Variants in CERKL observed in about 807,000 individuals in gnomAD.
CERKL encodes the protein CERK like autophagy regulator.
CERKL carries 61 observed loss-of-function variants against 63.4 expected under a neutral mutation model. That is an observed-to-expected ratio of 0.96 (90% confidence interval 0.78 to 1.19). The LOEUF is 1.19. Ranked by LOEUF, CERKL falls within the 50% of genes most tolerant of loss-of-function variation. The pLI is 0.00. For synonymous variants in CERKL, 250 were observed against 230.5 expected, an observed-to-expected ratio of 1.08 and a Z score of -0.77; for missense variants, 675 against 655.5, an observed-to-expected ratio of 1.03 and a Z score of -0.33.
At position 181,537,537 on chromosome 2, in the gene CERKL, G is replaced by C. The variant is rs531937916; in HGVS notation, c.*647C>G. On this transcript the variant is annotated 3_prime_UTR_variant, in exon 13 of 13. Transcript: ENST00000410087. ...AACTATGTGATTTTGAAATTTAACT[G>C]CTCTGGATTAGGGAGCAGTGAATCA... The C allele has an allele frequency of 3.6e-5, 16 of 448,124 alleles. No homozygotes were observed. Among genetic ancestry groups the C allele is most frequent in the African/African-American group, 2.8e-4 (14 of 49,838 alleles). 27.8% of individuals were successfully genotyped at this position (448,124 alleles called of 1,614,324 possible). A position where few individuals can be genotyped will look rare whatever the true frequency, so the allele number is the denominator to read the frequency against.
intron 2 of CERKL, among the ~76,000 whole-genome samples, chr2:181,579,882 C>T (rs1222295911): frequency 6.6e-6 from 1 of 151,770 alleles, no homozygotes; most frequent in Non-Finnish European, 1.5e-5. Context: ...TTTAGAGGTA[C>T]TAAATTTTTG....
At chr2:181,596,201 C>CAATGAATAT (rs1685201704) in intron 2 of CERKL, among the ~76,000 whole-genome samples, 1 of 152,166 alleles carries the variant, frequency 6.6e-6, no homozygotes, top group Non-Finnish European at 1.5e-5. Flanking sequence ...AATAAGATGA[C>CAATGAATAT]AATGAATATA....
intron 1 of CERKL, 72 bp downstream of exon 1, chr2:181,656,697 G>GGGA: frequency 2.4e-6 from 3 of 1,274,028 alleles, no homozygotes; most frequent in Non-Finnish European, 3.2e-6. Context: ...AAAGCTCGTG[G>GGGA]GTGTAGGCCT....
At chr2:181,578,220 A>ACACACACG (rs1684338447) in intron 2 of CERKL, among the ~76,000 whole-genome samples, 1 of 149,964 alleles carries the variant, frequency 6.7e-6, no homozygotes, top group Non-Finnish European at 1.5e-5. Context: ...ACACATATAT[A>ACACACACG]TACACACACA....
intron 2 of CERKL, among the ~76,000 whole-genome samples, chr2:181,579,281 T>G (rs997171308): frequency 5.3e-5 from 8 of 151,972 alleles, no homozygotes; most frequent in Admixed American, 4.6e-4. Context: ...TTTTCTTACA[T>G]CCTTATAAAC....
At chr2:181,627,642 T>C (rs760096655) in intron 1 of CERKL, among the ~76,000 whole-genome samples, 1 of 152,326 alleles carries the variant, frequency 6.6e-6, no homozygotes, top group East Asian at 1.9e-4. Flanking sequence ...TAGTGGGGAA[T>C]AGAAATTTGA....
In CERKL at chr2:181,549,679, G is replaced by A; in HGVS notation, c.850C>T (p.His284Tyr). ...GCAGTTATCACATGAGGAACTCCAT[G>A]AAGAGAATGTGCCAATACATTGGTA... ...GSTNVLAHSL[H>Y]GVPHVITATL... The change falls in exon 6 of 13, where the codon CAT (histidine) becomes TAT (tyrosine). Residue 284 changes from histidine to tyrosine, a missense_variant. Physicochemically the swap from His to Tyr is moderately conservative, Grantham distance 83. Transcript: ENST00000410087. The A allele has an allele frequency of 6.2e-7, 1 of 1,612,370 alleles. No individual in the cohort carries two copies. The highest frequency in any genetic ancestry group is 1.1e-5 in the South Asian group (1 of 91,044).
chr2:181,544,881 G>T, intron 10 of CERKL, 85 bp from the exon 11 acceptor site: 1 of 747,770 alleles, frequency 1.3e-6, no homozygotes, highest in Non-Finnish European at 2.3e-6. Flanking sequence ...CTTATAACAA[G>T]TATACTGTTT....
Position 181,537,236 on chromosome 2 carries a change from T to G in CERKL, c.*948A>C, listed in dbSNP as rs1480809070. The G allele has an allele frequency of 4.4e-6, 2 of 453,920 alleles. No homozygotes were observed. Among genetic ancestry groups the G allele is most frequent in the Non-Finnish European group, 8.8e-6 (2 of 226,724 alleles). The allele number at this position is 453,920 out of a possible 1,614,324, so 28.1% of individuals were successfully genotyped here. On this transcript the variant is annotated 3_prime_UTR_variant, in exon 13 of 13. Transcript: ENST00000410087. ...GAACTGTCTTCTCCAGGATGGTCTC[T>G]AAGGAAATTTACATTTGGTTCTTTC...
At position 181,547,733 on chromosome 2, in the gene CERKL, G is replaced by T. The variant is rs1178315482; in HGVS notation, c.1160-7C>A. On this transcript the variant is annotated splice_polypyrimidine_tract_variant and splice_region_variant and intron_variant, in intron 9 of 12. Coordinates refer to ENST00000410087, the MANE Select transcript of CERKL (RefSeq NM_201548.5). ...TGCCATTGATCATTACAGTCTAAAGGTAATGAAAGTGATTGGTTATTTTCC... is the reference window on the plus strand; with the variant it reads ...TGCCATTGATCATTACAGTCTAAAGTTAATGAAAGTGATTGGTTATTTTCC... The T allele has an allele frequency of 6.2e-7, 1 of 1,613,614 alleles. No individual in the cohort carries two copies. The highest frequency in any genetic ancestry group is 8.5e-7 in the Non-Finnish European group (1 of 1,179,752).
chr2:181,644,033 C>T (rs1309096196), intron 1 of CERKL, among the ~76,000 whole-genome samples: 1 of 152,196 alleles, frequency 6.6e-6, no homozygotes, highest in East Asian at 1.9e-4. Context: ...AGGTGATCAG[C>T]GATGCTTTTG....
At chr2:181,642,582 G>C (rs904828149) in intron 1 of CERKL, among the ~76,000 whole-genome samples, 11 of 152,082 alleles carry the variant, frequency 7.2e-5, no homozygotes, top group African/African-American at 2.7e-4. Flanking sequence ...AGCCTTCTCA[G>C]ATTTTCTAGT....
intron 2 of CERKL, among the ~76,000 whole-genome samples, chr2:181,583,916 A>C (rs183595244): frequency 3.0e-4 from 45 of 152,336 alleles, no homozygotes; most frequent in African/African-American, 1.0e-3. Flanking sequence ...CAAGTATTAA[A>C]TGTTAATAAG....
At chr2:181,589,045 AACTG>A (rs1271866005) in intron 2 of CERKL, among the ~76,000 whole-genome samples, 1 of 152,172 alleles carries the variant, frequency 6.6e-6, no homozygotes, top group African/African-American at 2.4e-5. Context: ...CTCTTCACTC[AACTG>A]ACTGTTCCCT....
chr2:181,592,415 C>G (rs1053738573), intron 2 of CERKL, among the ~76,000 whole-genome samples: 2 of 152,074 alleles, frequency 1.3e-5, no homozygotes, highest in Non-Finnish European at 2.9e-5. Context: ...AGAACCAGCC[C>G]TCAAACACAG....
intron 11 of CERKL, among the ~76,000 whole-genome samples, chr2:181,539,827 T>C (rs1687413186): frequency 6.6e-6 from 1 of 152,206 alleles, no homozygotes. Flanking sequence ...TACTTACCAC[T>C]ATAGAATGGT....
intron 1 of CERKL, among the ~76,000 whole-genome samples, chr2:181,604,836 C>T (rs1685611328): frequency 6.7e-6 from 1 of 150,114 alleles, no homozygotes; most frequent in Non-Finnish European, 1.5e-5. Flanking sequence ...AGGAAATAGC[C>T]CCCTGAATTT....
At chr2:181,553,514 A>G (rs969631304) in intron 5 of CERKL, among the ~76,000 whole-genome samples, 10 of 152,232 alleles carry the variant, frequency 6.6e-5, no homozygotes, top group African/African-American at 2.2e-4. Flanking sequence ...AGAATGACAC[A>G]TATCATGACT....
intron 2 of CERKL, among the ~76,000 whole-genome samples, chr2:181,585,334 CA>C (rs1039284355): frequency 1.3e-5 from 2 of 151,902 alleles, no homozygotes; most frequent in Non-Finnish European, 2.9e-5. Context: ...TTAAAAACCC[CA>C]AATTAAAAAA....
Sources: gnomAD v4.1 joint callset for allele counts (sites outside exome capture counted in the v4.1 genomes callset) on GRCh38, gnomAD v4.1.1 for gene constraint, MANE v1.5 for transcripts, NCBI Gene and HGNC (gene_info 2026-07-23, HGNC 2026-07-21) for gene names.